The following RALGAPA2 variants were observed in gnomAD, a reference collection of about 807,000 sequenced individuals.
RALGAPA2 encodes the protein Ral GTPase activating protein catalytic subunit alpha 2.
In RALGAPA2, 139 loss-of-function variants were observed where a neutral mutation model predicts 230.4. That is an observed-to-expected ratio of 0.60 (90% confidence interval 0.53 to 0.69). RALGAPA2 has a LOEUF of 0.69. Ranked by LOEUF, RALGAPA2 falls within the 30% of genes least tolerant of loss-of-function variation. The pLI is 0.00. For synonymous variants in RALGAPA2, 847 were observed against 837.8 expected (o/e 1.01, Z -0.19); for missense variants, 2,163 against 2,276.0 (o/e 0.95, Z 1.01).
intron 20 of RALGAPA2, among the ~76,000 whole-genome samples, chr20:20,576,395 T>C (rs2064820831): frequency 6.6e-6 from 1 of 152,114 alleles, no homozygotes; most frequent in Admixed American, 6.6e-5. Context: ...TAAAACTTTG[T>C]TTTTGATGAC....
chr20:20,510,561 G>T (rs529111980), intron 33 of RALGAPA2, among the ~76,000 whole-genome samples: 1 of 151,608 alleles, frequency 6.6e-6, no homozygotes, highest in African/African-American at 2.4e-5. Context: ...AAAAACTAAA[G>T]ATTAAGGAGG....
At chr20:20,659,146 T>C (rs1461248474) in intron 3 of RALGAPA2, among the ~76,000 whole-genome samples, 1 of 152,194 alleles carries the variant, frequency 6.6e-6, no homozygotes, top group East Asian at 1.9e-4. Context: ...AGAAAACTTA[T>C]GATGAGAACT....
At chr20:20,485,138 T>C (rs558770571) in intron 36 of RALGAPA2, among the ~76,000 whole-genome samples, 5 of 152,236 alleles carry the variant, frequency 3.3e-5, no homozygotes, top group South Asian at 4.1e-4. Context: ...CTTTTTCCAA[T>C]GTGGCCCTTG....
intron 36 of RALGAPA2, among the ~76,000 whole-genome samples, chr20:20,491,935 T>G (rs1458219636): frequency 3.9e-5 from 6 of 152,176 alleles, no homozygotes; most frequent in African/African-American, 1.4e-4. Flanking sequence ...ACACCCACAC[T>G]TCTTCAACAT....
chr20:20,663,677 T>C (rs2067860897), intron 3 of RALGAPA2, among the ~76,000 whole-genome samples: 1 of 152,112 alleles, frequency 6.6e-6, no homozygotes, highest in Admixed American at 6.6e-5. Flanking sequence ...CTACAATCTC[T>C]GCCTCCTGGG....
intron 16 of RALGAPA2, among the ~76,000 whole-genome samples, chr20:20,592,818 A>C (rs1344650527): frequency 1.3e-5 from 2 of 152,218 alleles, no homozygotes; most frequent in Non-Finnish European, 2.9e-5. Flanking sequence ...GGATTTCAAC[A>C]AAAGGTTGCT....
At chr20:20,672,512 GA>G (rs1440789088) in intron 3 of RALGAPA2, among the ~76,000 whole-genome samples, 1 of 152,138 alleles carries the variant, frequency 6.6e-6, no homozygotes, top group East Asian at 1.9e-4. Context: ...TTAAAAACAT[GA>G]AAAAAATCAT....
intron 37 of RALGAPA2, among the ~76,000 whole-genome samples, chr20:20,452,895 G>A (rs997956884): frequency 6.6e-6 from 1 of 152,216 alleles, no homozygotes; most frequent in African/African-American, 2.4e-5. Flanking sequence ...GAGAGGTGTT[G>A]ACCAGGCACT....
At chr20:20,619,166 G>T in intron 12 of RALGAPA2, 111 bp downstream of exon 12, 1 of 1,076,698 alleles carries the variant, frequency 9.3e-7, no homozygotes, top group South Asian at 4.1e-5. Flanking sequence ...ACTGACAGAT[G>T]GCTACAAATA....
At chr20:20,575,055 C>T (rs1423718454) in intron 20 of RALGAPA2, among the ~76,000 whole-genome samples, 2 of 152,112 alleles carry the variant, frequency 1.3e-5, no homozygotes, top group African/African-American at 4.8e-5. Flanking sequence ...CCATTTGACC[C>T]CCAGGTATGA....
chr20:20,546,785 G>T lies in RALGAPA2; in HGVS notation c.3204C>A (p.Ser1068=). 6.2e-7 allele frequency: 1 copy of T among 1,611,028 alleles called. No homozygotes were observed. Among genetic ancestry groups the T allele is most frequent in the East Asian group, 2.2e-5 (1 of 44,768 alleles). The change falls in exon 24 of 40, where the codon TCC becomes TCA. Residue 1068 remains serine, a synonymous_variant. Transcript: ENST00000202677. ...GCATTGAGAAGCCAGGAAAACCCAG[G>T]GAGAAAAAGCGGGGTGGACAGTGCC... is the stretch of plus-strand genomic sequence containing the variant. ...IIRHCPPRFF[S]LGFPGFSMLV...
chr20:20,468,665 C>T (rs747313137), intron 37 of RALGAPA2, among the ~76,000 whole-genome samples: 2 of 151,986 alleles, frequency 1.3e-5, no homozygotes, highest in Non-Finnish European at 2.9e-5. Context: ...CTCCTATTCC[C>T]GTCTTTCTTT....
At chr20:20,405,467 G>A (rs751213842) in intron 38 of RALGAPA2, among the ~76,000 whole-genome samples, 66 of 152,174 alleles carry the variant, frequency 4.3e-4, no homozygotes, top group Non-Finnish European at 2.5e-4. Context: ...CAAGGACCAC[G>A]TCAGAGATGG....
chr20:20,682,172 T>C (rs1192720950), intron 1 of RALGAPA2, among the ~76,000 whole-genome samples: 2 of 152,216 alleles, frequency 1.3e-5, no homozygotes, highest in Non-Finnish European at 2.9e-5. Flanking sequence ...TATAAAGTCT[T>C]ATGAGCTGCC....
chr20:20,613,540 C>T (rs1344735419), intron 13 of RALGAPA2, among the ~76,000 whole-genome samples: 1 of 152,206 alleles, frequency 6.6e-6, no homozygotes, highest in Non-Finnish European at 1.5e-5. Flanking sequence ...CTTGCAGGCA[C>T]ACAGGGAGGT....
chr20:20,576,534 T>G (rs1468705293), intron 20 of RALGAPA2, among the ~76,000 whole-genome samples: 1 of 152,162 alleles, frequency 6.6e-6, no homozygotes, highest in Admixed American at 6.6e-5. Context: ...GTATGATATT[T>G]TTCCAACATT....
chr20:20,429,140 A>G (rs2122947170), intron 37 of RALGAPA2, among the ~76,000 whole-genome samples: 1 of 152,266 alleles, frequency 6.6e-6, no homozygotes, highest in South Asian at 2.1e-4. Context: ...CTCAAACCAC[A>G]TATGATAAAG....
intron 4 of RALGAPA2, among the ~76,000 whole-genome samples, chr20:20,652,939 C>A (rs2067455005): frequency 1.3e-5 from 2 of 152,054 alleles, no homozygotes; most frequent in Admixed American, 6.6e-5. Context: ...CACCTATAAT[C>A]CCAGCACTTT....
At chr20:20,567,508 C>A (rs1428222003) in intron 23 of RALGAPA2, among the ~76,000 whole-genome samples, 4 of 152,056 alleles carry the variant, frequency 2.6e-5, no homozygotes, top group Non-Finnish European at 5.9e-5. Flanking sequence ...AAGGGCAGAG[C>A]CCAGGCAAAA....
Sources: allele counts gnomAD v4.1 joint callset (sites outside exome capture counted in the v4.1 genomes callset), GRCh38; gene constraint gnomAD v4.1.1; transcripts MANE v1.5; gene names NCBI Gene and HGNC (gene_info 2026-07-23, HGNC 2026-07-21).